The following SPAG16 variants were observed in gnomAD, a reference collection of about 807,000 sequenced individuals.
SPAG16 encodes the protein sperm-associated antigen 16 protein.
In SPAG16, 86 loss-of-function variants were observed where a neutral mutation model predicts 80.4. The observed-to-expected ratio is 1.07, with a 90% CI of 0.90 to 1.28. The LOEUF (loss-of-function observed/expected upper bound fraction) is 1.28. SPAG16 is among the 50% of genes most tolerant of loss of function. The pLI is 0.00. For synonymous variants in SPAG16, 294 were observed against 265.9 expected, an observed-to-expected ratio of 1.11 and a Z score of -1.03; for missense variants, 870 against 765.3, an observed-to-expected ratio of 1.14 and a Z score of -1.61.
intron 12 of SPAG16, among the ~76,000 whole-genome samples, chr2:213,958,584 C>T (rs1217283536): frequency 6.6e-6 from 1 of 152,140 alleles, no homozygotes; most frequent in Non-Finnish European, 1.5e-5. Flanking sequence ...CACTGACCAA[C>T]TTTTTCAGTT....
intron 9 of SPAG16, among the ~76,000 whole-genome samples, chr2:213,424,699 T>C (rs1029779312): frequency 2.0e-5 from 3 of 152,242 alleles, no homozygotes; most frequent in Non-Finnish European, 4.4e-5. Context: ...TTCTGTTTCA[T>C]ACTGCTGGGA....
chr2:213,397,333 A>T (rs2068091672), intron 9 of SPAG16, among the ~76,000 whole-genome samples: 1 of 152,090 alleles, frequency 6.6e-6, no homozygotes, highest in African/African-American at 2.4e-5. Context: ...CTCCACTCAA[A>T]TGTAGCATAG....
intron 10 of SPAG16, among the ~76,000 whole-genome samples, chr2:213,509,305 T>C (rs1298132630): frequency 6.6e-6 from 1 of 152,194 alleles, no homozygotes; most frequent in Non-Finnish European, 1.5e-5. Flanking sequence ...TATTTCCAGA[T>C]AGAGTAGACC....
At chr2:214,368,655 C>T (rs925449834) in intron 15 of SPAG16, among the ~76,000 whole-genome samples, 3 of 152,030 alleles carry the variant, frequency 2.0e-5, no homozygotes, top group Admixed American at 6.6e-5. Flanking sequence ...CATAGTTACC[C>T]TCTTTCCACT....
At chr2:214,184,875 A>G (rs2057418758) in intron 15 of SPAG16, among the ~76,000 whole-genome samples, 1 of 152,160 alleles carries the variant, frequency 6.6e-6, no homozygotes, top group Admixed American at 6.6e-5. Context: ...ATTTCAAAAT[A>G]AAGTCTTCAC....
At chr2:214,400,065 T>G (rs1467613294) in intron 15 of SPAG16, among the ~76,000 whole-genome samples, 2 of 152,060 alleles carry the variant, frequency 1.3e-5, no homozygotes, top group Non-Finnish European at 2.9e-5. Context: ...TAGGTGCATT[T>G]CACAAGGGAT....
chr2:214,087,803 T>C (rs1486261577), intron 13 of SPAG16, among the ~76,000 whole-genome samples: 2 of 151,962 alleles, frequency 1.3e-5, no homozygotes. Context: ...GACAAAAAAA[T>C]ATCTAGACAA....
chr2:213,442,046 G>T (rs567247119), intron 9 of SPAG16, among the ~76,000 whole-genome samples: 1 of 152,326 alleles, frequency 6.6e-6, no homozygotes, highest in South Asian at 2.1e-4. Flanking sequence ...TACTCGGGAG[G>T]TTGAGGCAGG....
intron 13 of SPAG16, among the ~76,000 whole-genome samples, chr2:214,052,722 A>T (rs1420419131): frequency 6.6e-6 from 1 of 152,174 alleles, no homozygotes; most frequent in Non-Finnish European, 1.5e-5. Context: ...GTATATGCTG[A>T]TACCCAATCT....
At chr2:214,130,527 C>T (rs1337671511) in intron 14 of SPAG16, among the ~76,000 whole-genome samples, 1 of 152,150 alleles carries the variant, frequency 6.6e-6, no homozygotes, top group South Asian at 2.1e-4. Flanking sequence ...AATTTAACAC[C>T]ACTCGCTCTT....
intron 13 of SPAG16, among the ~76,000 whole-genome samples, chr2:214,073,879 A>G (rs1362414413): frequency 1.3e-5 from 2 of 152,194 alleles, no homozygotes; most frequent in Non-Finnish European, 2.9e-5. Flanking sequence ...AGAAGGCCTA[A>G]AACTGAGACC....
intron 10 of SPAG16, among the ~76,000 whole-genome samples, chr2:213,781,208 G>A (rs548305525): frequency 2.6e-4 from 39 of 152,106 alleles, no homozygotes; most frequent in Non-Finnish European, 3.5e-4. Context: ...TTTTTTAGGC[G>A]GATGCCTCTG....
intron 15 of SPAG16, among the ~76,000 whole-genome samples, chr2:214,255,974 A>G (rs762169817): frequency 4.6e-5 from 7 of 151,982 alleles, no homozygotes; most frequent in Non-Finnish European, 8.8e-5. Context: ...GTGAGTAAAC[A>G]CTGAGAAATG....
chr2:213,942,796 T>C (rs1414621309), intron 12 of SPAG16, among the ~76,000 whole-genome samples: 6 of 152,112 alleles, frequency 3.9e-5, no homozygotes, highest in African/African-American at 1.2e-4. Context: ...AAAGTGTGCA[T>C]ATAGGAAAAG....
chr2:213,409,809 G>GCT (rs1286617031), intron 9 of SPAG16, among the ~76,000 whole-genome samples: 1 of 152,172 alleles, frequency 6.6e-6, no homozygotes, highest in Non-Finnish European at 1.5e-5. Context: ...AAATTTCTCA[G>GCT]TAAGAAGGCA....
At chr2:213,632,301 A>G (rs771446767) in intron 10 of SPAG16, among the ~76,000 whole-genome samples, 5 of 152,062 alleles carry the variant, frequency 3.3e-5, no homozygotes, top group African/African-American at 4.8e-5. Context: ...TAAAAATGCT[A>G]TTGATATTTG....
intron 6 of SPAG16, among the ~76,000 whole-genome samples, chr2:213,344,376 GT>G (rs946079309): frequency 6.6e-6 from 1 of 151,610 alleles, no homozygotes; most frequent in African/African-American, 2.4e-5. Flanking sequence ...ATTCACTGGA[GT>G]TTTTTTCTTT....
intron 15 of SPAG16, among the ~76,000 whole-genome samples, chr2:214,388,639 C>T (rs1360371930): frequency 6.6e-6 from 1 of 152,084 alleles, no homozygotes; most frequent in East Asian, 1.9e-4. Flanking sequence ...TTTTTAGACA[C>T]CTTTATTTTC....
At chr2:214,248,533 G>A (rs1473754618) in intron 15 of SPAG16, among the ~76,000 whole-genome samples, 1 of 151,874 alleles carries the variant, frequency 6.6e-6, no homozygotes, top group Non-Finnish European at 1.5e-5. Context: ...TGACCAGGTT[G>A]GTCTTGATCT....
Sources: allele counts gnomAD v4.1 joint callset (sites outside exome capture counted in the v4.1 genomes callset), GRCh38; gene constraint gnomAD v4.1.1; transcripts MANE v1.5; gene names NCBI Gene and HGNC (gene_info 2026-07-23, HGNC 2026-07-21).